The following EYS variants were observed in gnomAD, a reference collection of about 807,000 sequenced individuals.
The protein encoded by EYS is EGF-like photoreceptor maintenance factor.
A neutral mutation model predicts 282.1 loss-of-function variants in EYS; 250 were observed. That is an observed-to-expected ratio of 0.89 (90% confidence interval 0.80 to 0.98). The LOEUF is 0.98. Among genes scored for constraint, EYS ranks in the 50% least tolerant of loss-of-function variants. EYS has a pLI of 0.00. For synonymous variants in EYS, 1,355 were observed against 1,282.9 expected (o/e 1.06, Z -1.20); for missense variants, 4,016 against 3,709.0 (o/e 1.08, Z -2.15).
At chr6:64,612,703 C>T (rs995592777) in intron 24 of EYS, among the ~76,000 whole-genome samples, 10 of 151,924 alleles carry the variant, frequency 6.6e-5, no homozygotes, top group African/African-American at 2.2e-4. Flanking sequence ...AAACAGCTTC[C>T]CATCTCCCTA....
chr6:65,329,958 C>T (rs1314741516), intron 11 of EYS: 1 of 975,952 alleles, frequency 1.0e-6, no homozygotes, highest in Non-Finnish European at 1.2e-6. Context: ...ATATATTTAA[C>T]ATTACACAGA....
chr6:64,987,683 T>C (rs961665484), intron 14 of EYS, among the ~76,000 whole-genome samples: 9 of 151,526 alleles, frequency 5.9e-5, no homozygotes, highest in Admixed American at 5.3e-4. Flanking sequence ...GCTTCACTTC[T>C]ATGAACATTA....
intron 12 of EYS, among the ~76,000 whole-genome samples, chr6:65,261,478 G>T (rs924998647): frequency 6.6e-6 from 1 of 151,944 alleles, no homozygotes; most frequent in African/African-American, 2.4e-5. Context: ...TTTAATAAAA[G>T]ACTGACATGT....
chr6:63,979,283 G>C (rs1766984674), intron 35 of EYS, among the ~76,000 whole-genome samples: 1 of 151,820 alleles, frequency 6.6e-6, no homozygotes, highest in Non-Finnish European at 1.5e-5. Flanking sequence ...CAATACAAAG[G>C]CTGATATTTG....
At chr6:64,850,284 A>T (rs913779227) in intron 19 of EYS, among the ~76,000 whole-genome samples, 4 of 152,054 alleles carry the variant, frequency 2.6e-5, no homozygotes, top group African/African-American at 4.8e-5. Flanking sequence ...AATTTCCCCC[A>T]GCCTTTGAAG....
intron 2 of EYS, among the ~76,000 whole-genome samples, chr6:65,617,591 G>A (rs1247287013): frequency 6.6e-6 from 1 of 151,528 alleles, no homozygotes; most frequent in Non-Finnish European, 1.5e-5. Context: ...TAGGGTACAT[G>A]TGCACAATGT....
At chr6:64,732,680 C>T (rs114263412) in intron 22 of EYS, among the ~76,000 whole-genome samples, 1,863 of 152,224 alleles carry the variant, frequency 0.012, 33 homozygotes, top group African/African-American at 0.042. Context: ...CAAACCCAAA[C>T]CTCTAAATAA....
At chr6:65,058,203 T>G (rs1474208794) in intron 12 of EYS, among the ~76,000 whole-genome samples, 1 of 152,156 alleles carries the variant, frequency 6.6e-6, no homozygotes, top group Non-Finnish European at 1.5e-5. Context: ...CAGGCTGTAG[T>G]GCAGTGGTGC....
chr6:63,837,868 C>T (rs1333187059), intron 36 of EYS, among the ~76,000 whole-genome samples: 5 of 152,014 alleles, frequency 3.3e-5, no homozygotes, highest in Non-Finnish European at 7.4e-5. Context: ...GAAGAGTTTA[C>T]GTAAGATTGG....
chr6:65,690,491 G>A lies in EYS; in HGVS notation c.-448+16644C>T, dbSNP rs1769201293. 1.3e-5 allele frequency among the ~76,000 whole-genome samples: 2 copies of A among 149,938 alleles called. 1 individual carries two copies. The highest frequency in any genetic ancestry group is 3.0e-5 in the Non-Finnish European group (2 of 67,682). On this transcript the variant is annotated intron_variant, in intron 1 of 42. Transcript: ENST00000503581. ...TCTGGGATAGGAATCTTGGTGATGTGAAACCTCCCTGACTGCACGTCCATT... is the reference window on the plus strand; with the variant it reads ...TCTGGGATAGGAATCTTGGTGATGTAAAACCTCCCTGACTGCACGTCCATT...
intron 31 of EYS, among the ~76,000 whole-genome samples, chr6:64,098,340 A>G (rs947872466): frequency 6.6e-6 from 1 of 152,218 alleles, no homozygotes; most frequent in Non-Finnish European, 1.5e-5. Context: ...TAACTTCTAC[A>G]AATATAAGTG....
chr6:65,357,043 G>C (rs9294638), intron 8 of EYS, among the ~76,000 whole-genome samples: 1 of 151,794 alleles, frequency 6.6e-6, no homozygotes, highest in Non-Finnish European at 1.5e-5. Flanking sequence ...AATGGCCTTT[G>C]GGAGGAATTA....
intron 14 of EYS, among the ~76,000 whole-genome samples, chr6:64,976,536 C>A (rs1453605006): frequency 2.0e-5 from 3 of 151,880 alleles, no homozygotes; most frequent in African/African-American, 7.2e-5. Flanking sequence ...CTTTACATGG[C>A]AGTAGGAAAG....
chr6:64,981,502 C>T (rs113837530), intron 14 of EYS, among the ~76,000 whole-genome samples: 23 of 151,280 alleles, frequency 1.5e-4, no homozygotes, highest in South Asian at 8.3e-4. Flanking sequence ...CCCTTCTTAC[C>T]TTCTTCTAAC....
At chr6:65,176,930 T>C (rs1309015864) in intron 12 of EYS, among the ~76,000 whole-genome samples, 1 of 151,696 alleles carries the variant, frequency 6.6e-6, no homozygotes, top group East Asian at 2.0e-4. Context: ...AATTTTTAGG[T>C]ATATGTTTTT....
At chr6:65,277,890 T>C (rs1313587019) in intron 12 of EYS, among the ~76,000 whole-genome samples, 1 of 152,090 alleles carries the variant, frequency 6.6e-6, no homozygotes, top group African/African-American at 2.4e-5. Flanking sequence ...TTACAATGTT[T>C]ATTTGTCAAT....
At position 64,591,170 on chromosome 6, in the gene EYS, G is replaced by A. The variant is rs1282312949; in HGVS notation, c.4697C>T (p.Ser1566Phe). 2 of 1,551,224 alleles carry A rather than the reference G, an allele frequency of 1.3e-6. No individual in the cohort carries two copies. Among genetic ancestry groups the A allele is most frequent in the Non-Finnish European group, 1.7e-6 (2 of 1,146,736 alleles). The change falls in exon 26 of 43, where the codon TCC becomes TTC. Residue 1566 changes from serine to phenylalanine, a missense_variant. Coordinates refer to ENST00000503581, the MANE Select transcript of EYS (RefSeq NM_001142800.2). ...CATCSMTEIK[S>F]SREFSDQVLH... ...AACTTGATCTGAGAATTCACGAGAGGATTTTATTTCAGTCATAGAACATGT... is the reference window on the plus strand; with the variant it reads ...AACTTGATCTGAGAATTCACGAGAGAATTTTATTTCAGTCATAGAACATGT...
At chr6:63,858,881 T>C (rs677894) in intron 36 of EYS, among the ~76,000 whole-genome samples, 151,190 of 152,188 alleles carry the variant, frequency 0.99, 75,107 homozygotes, top group Middle Eastern at 1. Context: ...TTACAAAATG[T>C]CAGCCTGACA....
At chr6:64,921,486 A>G (rs77266749) in intron 15 of EYS, among the ~76,000 whole-genome samples, 4,767 of 152,238 alleles carry the variant, frequency 0.031, 133 homozygotes, top group East Asian at 0.13. Flanking sequence ...TTAAAATGTC[A>G]CTAAAGGGTC....
Sources: allele counts gnomAD v4.1 joint callset (sites outside exome capture counted in the v4.1 genomes callset), GRCh38; gene constraint gnomAD v4.1.1; transcripts MANE v1.5; gene names NCBI Gene and HGNC (gene_info 2026-07-23, HGNC 2026-07-21).